The following MBOAT4 variants were observed in gnomAD, a reference collection of about 807,000 sequenced individuals.
The protein encoded by MBOAT4 is membrane-bound ghrelin O-acyltransferase MBOAT4.
A neutral mutation model predicts 13.2 loss-of-function variants in MBOAT4; 11 were observed. The observed-to-expected ratio is 0.84, with a 90% CI of 0.53 to 1.38. MBOAT4 has a LOEUF of 1.38. MBOAT4 is among the 40% of genes most tolerant of loss of function. The pLI is 0.00. For synonymous variants in MBOAT4, 202 were observed against 210.3 expected (o/e 0.96, Z 0.34); for missense variants, 481 against 527.2 (o/e 0.91, Z 0.86).
intron 2 of MBOAT4, chr8:30,137,664 A>C (rs1354285563): frequency 9.7e-6 from 6 of 616,022 alleles, no homozygotes; most frequent in Non-Finnish European, 1.4e-5. Context: ...TCTTGCTTCT[A>C]ACCTCCAAGC....
At chr8:30,135,729 C>G (rs1054490119) in intron 2 of MBOAT4, among the ~76,000 whole-genome samples, 1 of 151,962 alleles carries the variant, frequency 6.6e-6, no homozygotes, top group African/African-American at 2.4e-5. Context: ...GCCTGGGCAA[C>G]ATGGCAAAAC....
intron 2 of MBOAT4, among the ~76,000 whole-genome samples, chr8:30,136,172 C>T (rs1308950195): frequency 6.6e-6 from 1 of 152,108 alleles, no homozygotes; most frequent in East Asian, 1.9e-4. Context: ...TGGTCTAACC[C>T]CAGTACCTCA....
intron 2 of MBOAT4, among the ~76,000 whole-genome samples, chr8:30,135,483 A>T (rs2117539421): frequency 6.6e-6 from 1 of 152,314 alleles, no homozygotes. Context: ...CTAATGTGGG[A>T]TTTGTACTGA....
chr8:30,139,853 A>G (rs1299649176), intron 1 of MBOAT4, among the ~76,000 whole-genome samples: 1 of 152,118 alleles, frequency 6.6e-6, no homozygotes, highest in Non-Finnish European at 1.5e-5. Flanking sequence ...CTAGCTACTC[A>G]GGAGTCTGAG....
chr8:30,137,412 G>A (rs1468264370), intron 2 of MBOAT4: 6 of 1,551,606 alleles, frequency 3.9e-6, no homozygotes, highest in Non-Finnish European at 5.2e-6. Context: ...AACCCGTGCT[G>A]AGGCTGGCAG....
chr8:30,137,548 G>A (rs1284875538), intron 2 of MBOAT4: 2 of 1,337,252 alleles, frequency 1.5e-6, no homozygotes, highest in Admixed American at 2.1e-5. Context: ...GGCAACACGT[G>A]GCAGTGATGA....
At chr8:30,139,190 C>T (rs889854623) in intron 1 of MBOAT4, among the ~76,000 whole-genome samples, 4 of 151,750 alleles carry the variant, frequency 2.6e-5, no homozygotes, top group African/African-American at 4.8e-5. Context: ...TGGCCTCAAG[C>T]GATCCTCCTC....
At chr8:30,140,845 TTTTGTCTTGTTTTTGAGACAGGG>T (rs1803249258) in intron 1 of MBOAT4, among the ~76,000 whole-genome samples, 1 of 152,042 alleles carries the variant, frequency 6.6e-6, no homozygotes, top group Non-Finnish European at 1.5e-5. Context: ...AAGAGCAGTG[TTTTGTCTTGTTTTTGAGACAGGG>T]TCCCTGTTGC....
chr8:30,133,357 T>C (rs1297540558), intron 2 of MBOAT4, among the ~76,000 whole-genome samples: 1 of 152,230 alleles, frequency 6.6e-6, no homozygotes, highest in African/African-American at 2.4e-5. Flanking sequence ...TTTGTAATGA[T>C]CATGTGTGTT....
At chr8:30,138,468 G>T in intron 2 of MBOAT4, 64 bp downstream of exon 2, 3 of 1,342,502 alleles carry the variant, frequency 2.2e-6, no homozygotes, top group Non-Finnish European at 3.1e-6. Flanking sequence ...GGTTCTCTCT[G>T]CTACCACCGT....
chr8:30,132,786 C>CA lies in MBOAT4; in HGVS notation c.464dup (p.Leu155PhefsTer3), dbSNP rs1803055405. ...GCAGTGCCTTACACACATGCTCAGA[C>CA]AAAGAGCTCCTGCTCCTGAAGCCTC... On this transcript the variant is annotated frameshift_variant, in exon 3 of 3. Transcript: ENST00000320542. LOFTEE classifies it low-confidence loss of function (END_TRUNC). 1.3e-6 allele frequency: 2 copies of CA among 1,551,714 alleles called. No individual in the cohort carries two copies. Among genetic ancestry groups the CA allele is most frequent in the Non-Finnish European group, 1.7e-6 (2 of 1,147,010 alleles).
rs111933278 is a variant in MBOAT4 at position 30,142,182 on chromosome 8, C to T, written c.119+2301G>A. On this transcript the variant is annotated intron_variant, in intron 1 of 2. Coordinates refer to ENST00000320542, the MANE Select transcript of MBOAT4 (RefSeq NM_001100916.2). ...TAGGCATAGTGCTAATAACCCTTTACGAGAAATATATTTATTTAATACTTA... is the reference window on the plus strand; with the variant it reads ...TAGGCATAGTGCTAATAACCCTTTATGAGAAATATATTTATTTAATACTTA... 2.7e-3 allele frequency among the ~76,000 whole-genome samples: 407 copies of T among 152,092 alleles called. 6 individuals are homozygous for T. Among genetic ancestry groups the T allele is most frequent in the African/African-American group, 8.4e-3 (349 of 41,458 alleles).
chr8:30,140,081 G>A (rs776627531), intron 1 of MBOAT4, among the ~76,000 whole-genome samples: 7 of 152,042 alleles, frequency 4.6e-5, no homozygotes, highest in African/African-American at 1.4e-4. Context: ...TCTGTTGCCC[G>A]GATTGGAGTG....
At chr8:30,138,867 A>C in intron 1 of MBOAT4, 111 bp from the exon 2 acceptor site, 2 of 737,828 alleles carry the variant, frequency 2.7e-6, no homozygotes, top group Non-Finnish European at 4.5e-6. Flanking sequence ...ACAACACCTA[A>C]AGTAGCCATG....
chr8:30,134,940 C>A (rs1803107065), intron 2 of MBOAT4, among the ~76,000 whole-genome samples: 1 of 152,092 alleles, frequency 6.6e-6, no homozygotes, highest in African/African-American at 2.4e-5. Context: ...AGTGCAGTGG[C>A]ACCATCCTGG....
chr8:30,141,425 A>T (rs974587537), intron 1 of MBOAT4, among the ~76,000 whole-genome samples: 5 of 152,146 alleles, frequency 3.3e-5, no homozygotes, highest in Non-Finnish European at 5.9e-5. Flanking sequence ...ACTTGAAGTC[A>T]GGAGTTCGAG....
Position 30,138,701 on chromosome 8 carries a change from A to G in MBOAT4, c.175T>C (p.Tyr59His). The G allele has an allele frequency of 6.4e-7, 1 of 1,550,700 alleles. No individual in the cohort carries two copies. The highest frequency in any genetic ancestry group is 8.7e-7 in the Non-Finnish European group (1 of 1,146,998). Reference sequence around the variant, plus strand: ...GCAGGGGTGAAGACGAGCACGGCGTAGGAACCCATGGCAGCCACGGCCAGG... The same window carrying G: ...GCAGGGGTGAAGACGAGCACGGCGTGGGAACCCATGGCAGCCACGGCCAGG... ...GALAVAAMGS[Y>H]AVLVFTPAVC... Residue 59 changes from tyrosine (Y) to histidine (H), a missense_variant, in exon 2 of 3, where the codon TAC becomes CAC. By Grantham distance (83) the Tyr-to-His change is moderately conservative (BLOSUM62 2). Coordinates refer to ENST00000320542, the MANE Select transcript of MBOAT4 (RefSeq NM_001100916.2).
chr8:30,134,355 G>A (rs531769334), intron 2 of MBOAT4, among the ~76,000 whole-genome samples: 49 of 151,870 alleles, frequency 3.2e-4, no homozygotes, highest in Non-Finnish European at 5.0e-4. Context: ...CCTGGGAGGC[G>A]GAGGTTGCAG....
intron 1 of MBOAT4, among the ~76,000 whole-genome samples, chr8:30,142,091 C>T (rs1047987833): frequency 2.6e-5 from 4 of 152,348 alleles, no homozygotes; most frequent in African/African-American, 9.6e-5. Context: ...ATTAAATTGT[C>T]TGTACATGGA....
Sources: gnomAD v4.1 joint callset for allele counts (sites outside exome capture counted in the v4.1 genomes callset) on GRCh38, gnomAD v4.1.1 for gene constraint, MANE v1.5 for transcripts, NCBI Gene and HGNC (gene_info 2026-07-23, HGNC 2026-07-21) for gene names.